Variants in CD36 observed in about 807,000 individuals in gnomAD.
The protein encoded by CD36 is CD36 molecule (CD36 blood group), also known as platelet glycoprotein 4.
In CD36, 119 loss-of-function variants were observed where a neutral mutation model predicts 55.2. That is an observed-to-expected ratio of 2.15 (90% CI 1.86 to 2.51). The LOEUF is 2.51. Ranked by LOEUF, CD36 falls within the 30% of genes most tolerant of loss-of-function variation. The probability of loss-of-function intolerance (pLI) is 0.00; values close to 1 mark genes in which losing one functional copy is unlikely to be tolerated. For synonymous variants in CD36, 186 were observed against 193.6 expected, an observed-to-expected ratio of 0.96 and a Z score of 0.33; for missense variants, 819 against 555.5, an observed-to-expected ratio of 1.47 and a Z score of -4.77.
chr7:80,662,942 A>T (rs1219204094), intron 5 of CD36, 48 bp from the exon 6 acceptor site: 2 of 1,432,456 alleles, frequency 1.4e-6, no homozygotes, highest in East Asian at 4.6e-5. Context: ...TTATTTGTTA[A>T]AATCTAATAT....
At chr7:80,629,608 A>C (rs1429389720) in intron 1 of CD36, among the ~76,000 whole-genome samples, 1 of 152,006 alleles carries the variant, frequency 6.6e-6, no homozygotes, top group Non-Finnish European at 1.5e-5. Context: ...TCCTCACTAC[A>C]CAAGATGAAT....
intron 1 of CD36, among the ~76,000 whole-genome samples, chr7:80,641,219 A>T (rs1794787340): frequency 6.6e-6 from 1 of 152,096 alleles, no homozygotes; most frequent in Non-Finnish European, 1.5e-5. Context: ...ATAAAGAATG[A>T]CCTAATGACC....
Position 80,646,638 on chromosome 7 carries a change from C to T in CD36, c.-89-14C>T. 3.6e-6 allele frequency: 5 copies of T among 1,381,290 alleles called. No individual in the cohort carries two copies. Among genetic ancestry groups the T allele is most frequent in the Non-Finnish European group, 5.2e-6 (5 of 970,626 alleles). The allele number at this position is 1,381,290 out of a possible 1,614,324, so 85.6% of individuals were successfully genotyped here. ...TATTTAAGCTTCTGTTTTATGATCT[C>T]TTTCTAATGATAGAACCAGAGCTTG... On this transcript the variant is annotated splice_polypyrimidine_tract_variant and intron_variant, in intron 2 of 14. Coordinates refer to ENST00000447544, the MANE Select transcript of CD36 (RefSeq NM_001001548.3).
At chr7:80,644,583 C>A (rs906727679) in intron 1 of CD36, among the ~76,000 whole-genome samples, 1 of 152,054 alleles carries the variant, frequency 6.6e-6, no homozygotes, top group African/African-American at 2.4e-5. Flanking sequence ...TTTTCTTATT[C>A]TTTTCTTAGC....
chr7:80,626,940 G>A (rs1793776587), intron 1 of CD36, among the ~76,000 whole-genome samples: 1 of 151,938 alleles, frequency 6.6e-6, no homozygotes, highest in African/African-American at 2.4e-5. Context: ...TCATATGTAA[G>A]TATTGCATTC....
At chr7:80,618,676 A>G (rs1793300242) in intron 1 of CD36, among the ~76,000 whole-genome samples, 2 of 152,212 alleles carry the variant, frequency 1.3e-5, no homozygotes, top group South Asian at 4.1e-4. Flanking sequence ...TTCCTGTAAG[A>G]CAGAGCCCAA....
At chr7:80,626,808 G>A (rs948663861) in intron 1 of CD36, among the ~76,000 whole-genome samples, 2 of 151,998 alleles carry the variant, frequency 1.3e-5, no homozygotes, top group African/African-American at 4.8e-5. Context: ...GTTCCCTGTA[G>A]TACATTTACA....
At chr7:80,657,429 T>G (rs933133999) in intron 4 of CD36, among the ~76,000 whole-genome samples, 3 of 152,212 alleles carry the variant, frequency 2.0e-5, no homozygotes, top group African/African-American at 7.2e-5. Context: ...TGAGACAATA[T>G]TTTATATCTT....
At chr7:80,644,172 A>AC (rs1794994290) in intron 1 of CD36, among the ~76,000 whole-genome samples, 1 of 152,188 alleles carries the variant, frequency 6.6e-6, no homozygotes, top group Non-Finnish European at 1.5e-5. Flanking sequence ...TTGCATTAGG[A>AC]CAGCCATGGA....
chr7:80,659,907 T>A (rs925784142), intron 4 of CD36, among the ~76,000 whole-genome samples: 4 of 152,134 alleles, frequency 2.6e-5, no homozygotes, highest in Non-Finnish European at 5.9e-5. Context: ...CTAGCCAACT[T>A]TGAATCCTCT....
chr7:80,638,480 A>T (rs1399517931), upstream of CD36: 1 of 150,646 alleles, frequency 6.6e-6, no homozygotes, highest in Admixed American at 6.6e-5. Context: ...CTTATTAGCC[A>T]TATCAGTAAT....
chr7:80,606,456 A>G (rs1792555512), intron 1 of CD36, among the ~76,000 whole-genome samples: 1 of 152,226 alleles, frequency 6.6e-6, no homozygotes, highest in Non-Finnish European at 1.5e-5. Context: ...CGCTAAATAT[A>G]TAAACTCACA....
chr7:80,603,255 TTC>T (rs1032543543), intron 1 of CD36, among the ~76,000 whole-genome samples: 2 of 152,210 alleles, frequency 1.3e-5, no homozygotes, highest in African/African-American at 4.8e-5. Flanking sequence ...AAGCAGTTCC[TTC>T]TGTTTCTCCA....
intron 4 of CD36, among the ~76,000 whole-genome samples, chr7:80,659,582 A>T (rs1230861510): frequency 1.3e-5 from 2 of 152,206 alleles, no homozygotes; most frequent in Admixed American, 6.5e-5. Flanking sequence ...TAAACAAAAA[A>T]TTCAGTAATT....
Position 80,612,045 on chromosome 7 carries a change from G to A in CD36, c.-184+9666G>A, listed in dbSNP as rs1055796772. ...GCAGTGAGTGCTGGGCCTGTGCCCA[G>A]AAACAGCAAGACCTAGCTAATAATA... On this transcript the variant is annotated intron_variant, in intron 1 of 13. Transcript: ENST00000309881. 3.3e-5 allele frequency among the ~76,000 whole-genome samples: 5 copies of A among 152,328 alleles called. No homozygotes were observed. The South Asian group carries it at 1.0e-3, about 32-fold the overall frequency.
chr7:80,623,887 T>A (rs1793607041), intron 1 of CD36: 1 of 152,194 alleles, frequency 6.6e-6, no homozygotes. Context: ...ATTGTTTCTT[T>A]TTTTAAAGGA....
At chr7:80,670,346 C>G (rs938019465) in intron 9 of CD36, 1 of 349,338 alleles carries the variant, frequency 2.9e-6, no homozygotes, top group Non-Finnish European at 5.4e-6. Context: ...GTGCTCTGCT[C>G]AGATTTGTGG....
intron 3 of CD36, among the ~76,000 whole-genome samples, chr7:80,649,392 C>T (rs1795427607): frequency 6.6e-6 from 1 of 151,948 alleles, no homozygotes; most frequent in Non-Finnish European, 1.5e-5. Flanking sequence ...AGGATATGAC[C>T]ACTTTCAAGG....
chr7:80,653,038 CA>C (rs1480692932), intron 3 of CD36, among the ~76,000 whole-genome samples: 3 of 152,056 alleles, frequency 2.0e-5, no homozygotes, highest in Non-Finnish European at 4.4e-5. Flanking sequence ...AAGTGAGGTA[CA>C]AAGAAATTAA....
Sources: allele counts gnomAD v4.1 joint callset (sites outside exome capture counted in the v4.1 genomes callset), GRCh38; gene constraint gnomAD v4.1.1; transcripts MANE v1.5; gene names NCBI Gene and HGNC (gene_info 2026-07-23, HGNC 2026-07-21).